The following ASTN1 variants were observed in gnomAD, a reference collection of about 807,000 sequenced individuals.
ASTN1 encodes astrotactin 1, also known as astrotactin-1.
ASTN1 carries 41 observed loss-of-function variants against 140.7 expected under a neutral mutation model. The ratio of observed to expected loss-of-function variants is 0.29; its 90% CI spans 0.23 to 0.38. The LOEUF is 0.38. ASTN1 is among the 10% of genes least tolerant of loss of function. The pLI is 1.00. For synonymous variants in ASTN1, 640 were observed against 652.2 expected, an observed-to-expected ratio of 0.98 and a Z score of 0.29; for missense variants, 1,479 against 1,678.8, an observed-to-expected ratio of 0.88 and a Z score of 2.08.
At chr1:177,089,439 A>AAG (rs959935688) in intron 1 of ASTN1, among the ~76,000 whole-genome samples, 2 of 152,060 alleles carry the variant, frequency 1.3e-5, no homozygotes, top group African/African-American at 2.4e-5. Flanking sequence ...GAAATAGAAA[A>AAG]AGAGAGAGAG....
chr1:176,864,086 G>T lies in ASTN1; in HGVS notation c.*198C>A, dbSNP rs2103007580. The T allele has an allele frequency of 7.1e-7, 1 of 1,407,976 alleles. No homozygotes were observed. The allele number at this position is 1,407,976 out of a possible 1,614,324, so 87.2% of individuals were successfully genotyped here. A position where few individuals can be genotyped will look rare whatever the true frequency, so the allele number is the denominator to read the frequency against. The stretch of plus-strand genomic sequence containing the variant: ...CACTGCATGAAGCCACTGGCTGGCA[G>T]ATTTCCCAATCATGCAGATGGAGAA... On this transcript the variant is annotated 3_prime_UTR_variant, in exon 23 of 23. Coordinates refer to ENST00000361833, the MANE Select transcript of ASTN1 (RefSeq NM_004319.3).
intron 2 of ASTN1, among the ~76,000 whole-genome samples, chr1:177,038,133 C>T (rs1676812857): frequency 6.6e-6 from 1 of 152,194 alleles, no homozygotes; most frequent in Non-Finnish European, 1.5e-5. Flanking sequence ...CATTATCTGA[C>T]CTGTATATTC....
chr1:177,036,041 T>C (rs989065427), intron 2 of ASTN1, among the ~76,000 whole-genome samples: 3 of 138,778 alleles, frequency 2.2e-5, no homozygotes, highest in Non-Finnish European at 4.7e-5. Context: ...GCTTTCTTTT[T>C]TTTTTTTTTT....
At chr1:177,077,211 A>T (rs1678958473) in intron 1 of ASTN1, among the ~76,000 whole-genome samples, 1 of 152,020 alleles carries the variant, frequency 6.6e-6, no homozygotes, top group Non-Finnish European at 1.5e-5. Context: ...GATATCAGGG[A>T]CTTTCCCCCT....
At chr1:177,104,588 TA>T (rs1680459207) in intron 1 of ASTN1, among the ~76,000 whole-genome samples, 1 of 152,214 alleles carries the variant, frequency 6.6e-6, no homozygotes, top group African/African-American at 2.4e-5. Context: ...TCAGCATCAA[TA>T]AATAATTTCA....
At chr1:177,041,409 A>T (rs1303547531) in intron 2 of ASTN1, among the ~76,000 whole-genome samples, 2 of 152,216 alleles carry the variant, frequency 1.3e-5, no homozygotes, top group African/African-American at 4.8e-5. Context: ...AGGCTGGAAG[A>T]TAAAAGGGTC....
chr1:176,968,851 G>C (rs1453684858), intron 8 of ASTN1, among the ~76,000 whole-genome samples: 2 of 152,136 alleles, frequency 1.3e-5, no homozygotes, highest in African/African-American at 2.4e-5. Context: ...AAAGGGAAGA[G>C]GAAGGGCTTT....
intron 7 of ASTN1, among the ~76,000 whole-genome samples, chr1:177,019,949 A>G (rs1052322652): frequency 2.0e-5 from 3 of 152,150 alleles, no homozygotes; most frequent in African/African-American, 7.2e-5. Context: ...CAATGGTGCA[A>G]TCTCGGCTCA....
At chr1:177,097,944 A>G (rs1571779036) in intron 1 of ASTN1, among the ~76,000 whole-genome samples, 1 of 151,834 alleles carries the variant, frequency 6.6e-6, no homozygotes, top group Non-Finnish European at 1.5e-5. Context: ...TCATGGAAGC[A>G]CCTCACATCT....
chr1:177,062,005 T>C (rs1344605031), intron 1 of ASTN1, among the ~76,000 whole-genome samples: 3 of 152,148 alleles, frequency 2.0e-5, no homozygotes, highest in African/African-American at 4.8e-5. Context: ...AATGACTTAA[T>C]AGCAAAATAC....
intron 1 of ASTN1, among the ~76,000 whole-genome samples, chr1:177,111,859 C>G (rs1285865956): frequency 6.6e-6 from 1 of 152,140 alleles, no homozygotes; most frequent in African/African-American, 2.4e-5. Flanking sequence ...TCGGTAGCAG[C>G]CCTTACAATG....
chr1:177,073,579 A>G (rs1210596348), intron 1 of ASTN1, among the ~76,000 whole-genome samples: 1 of 146,686 alleles, frequency 6.8e-6, no homozygotes, highest in African/African-American at 2.6e-5. Context: ...TATTGCATCT[A>G]GTATGTGCCA....
chr1:177,156,199 G>T (rs1683226001), intron 1 of ASTN1, among the ~76,000 whole-genome samples: 1 of 151,840 alleles, frequency 6.6e-6, no homozygotes, highest in Non-Finnish European at 1.5e-5. Flanking sequence ...AAACCCAGGA[G>T]GCAGAGGTTG....
intron 22 of ASTN1, 56 bp from the exon 23 acceptor site, chr1:176,864,577 G>C (rs1668070657): frequency 6.3e-7 from 1 of 1,592,578 alleles, no homozygotes; most frequent in African/African-American, 1.3e-5. Context: ...GTCTGGATGA[G>C]CACAGCTACT....
At chr1:177,006,404 TA>T (rs75564740) in intron 8 of ASTN1, among the ~76,000 whole-genome samples, 6,597 of 142,522 alleles carry the variant, frequency 0.046, 185 homozygotes, top group Non-Finnish European at 0.065. Context: ...TTCTATTGAT[TA>T]AAAAAAAAAA....
intron 1 of ASTN1, among the ~76,000 whole-genome samples, chr1:177,156,657 C>T (rs1349826504): frequency 6.6e-6 from 1 of 152,114 alleles, no homozygotes; most frequent in Non-Finnish European, 1.5e-5. Flanking sequence ...AGATACTCAG[C>T]CTTCAAGAAG....
intron 11 of ASTN1, among the ~76,000 whole-genome samples, chr1:176,952,527 T>G (rs1393024563): frequency 6.6e-6 from 1 of 152,194 alleles, no homozygotes; most frequent in Non-Finnish European, 1.5e-5. Context: ...AATAATTTTC[T>G]TCTTAACCTT....
chr1:176,927,075 GTTTACTCC>G (rs1671001683), intron 16 of ASTN1, among the ~76,000 whole-genome samples: 1 of 152,176 alleles, frequency 6.6e-6, no homozygotes. Flanking sequence ...CATGTAGGTG[GTTTACTCC>G]TTTCTTTGAC....
chr1:177,033,053 G>A (rs542361694), intron 2 of ASTN1, among the ~76,000 whole-genome samples: 14 of 152,122 alleles, frequency 9.2e-5, no homozygotes, highest in African/African-American at 3.1e-4. Flanking sequence ...AAATGGAGCT[G>A]GGATGACCAG....
Sources: allele counts gnomAD v4.1 joint callset (sites outside exome capture counted in the v4.1 genomes callset), GRCh38; gene constraint gnomAD v4.1.1; transcripts MANE v1.5; gene names NCBI Gene and HGNC (gene_info 2026-07-23, HGNC 2026-07-21).